Variants in PDK1 observed in about 807,000 individuals in gnomAD.
PDK1 encodes the protein [Pyruvate dehydrogenase (acetyl-transferring)] kinase isozyme 1, mitochondrial.
A neutral mutation model predicts 54.2 loss-of-function variants in PDK1; 39 were observed. The observed-to-expected ratio is 0.72, with a 90% CI of 0.56 to 0.94. The LOEUF is 0.94. PDK1 is among the 40% of genes least tolerant of loss of function. The probability of loss-of-function intolerance (pLI) is 0.00; values close to 1 mark genes in which losing one functional copy is unlikely to be tolerated. For missense variants in PDK1, 552 were observed against 566.0 expected (o/e 0.98, Z 0.25); for synonymous variants, 221 against 207.1 (o/e 1.07, Z -0.58).
intron 1 of PDK1, 74 bp from the exon 2 acceptor site, chr2:172,558,634 A>T (rs954157011): frequency 7.5e-7 from 1 of 1,341,778 alleles, no homozygotes; most frequent in Middle Eastern, 1.9e-4. Flanking sequence ...CTTCCTCTCT[A>T]TTTCTCTCAG....
At chr2:172,633,076 C>G in the PDK1 span, among the ~76,000 whole-genome samples, 1 of 151,100 alleles carries the variant, frequency 6.6e-6, no homozygotes. Flanking sequence ...AAAATCTCAC[C>G]CTGTTGCCCA....
At chr2:172,622,759 C>CATAT in the PDK1 span, among the ~76,000 whole-genome samples, 1 of 142,474 alleles carries the variant, frequency 7.0e-6, no homozygotes, top group African/African-American at 2.6e-5. Context: ...GTTTATATCT[C>CATAT]ATTATGTGAG....
At chr2:172,701,631 GTTTTTTTTTTTGTTTTGTTTT>G in the PDK1 span, among the ~76,000 whole-genome samples, 3 of 128,582 alleles carry the variant, frequency 2.3e-5, no homozygotes, top group African/African-American at 9.1e-5. Context: ...AGTTTATCCT[GTTTTTTTTTTTGTTTTGTTTT>G]TTTTTTTTTT....
At chr2:172,620,406 T>G in the PDK1 span, among the ~76,000 whole-genome samples, 1 of 152,002 alleles carries the variant, frequency 6.6e-6, no homozygotes, top group Non-Finnish European at 1.5e-5. Flanking sequence ...GAGGGGACGG[T>G]GGAAACGATG....
the PDK1 span, among the ~76,000 whole-genome samples, chr2:172,614,028 A>G: frequency 6.6e-6 from 1 of 152,088 alleles, no homozygotes; most frequent in African/African-American, 2.4e-5. Context: ...CTGCTCCAGG[A>G]AGCAGGCAGG....
chr2:172,615,500 G>A, the PDK1 span, among the ~76,000 whole-genome samples: 1 of 152,102 alleles, frequency 6.6e-6, no homozygotes, highest in Admixed American at 6.6e-5. Context: ...GTGCGTGCCT[G>A]TAATTCCAGC....
chr2:172,702,464 G>A, the PDK1 span, among the ~76,000 whole-genome samples: 2 of 147,478 alleles, frequency 1.4e-5, no homozygotes, highest in African/African-American at 5.1e-5. Context: ...GCAACAGAGT[G>A]AGACTTTGTT....
At chr2:172,613,062 G>A (rs2149333594), downstream of PDK1, among the ~76,000 whole-genome samples, 1 of 152,352 alleles carries the variant, frequency 6.6e-6, no homozygotes, top group South Asian at 2.1e-4. Flanking sequence ...TTATTGGAGG[G>A]TAACGAAACA....
At chr2:172,634,375 C>T in the PDK1 span, among the ~76,000 whole-genome samples, 2 of 150,518 alleles carry the variant, frequency 1.3e-5, no homozygotes, top group African/African-American at 4.9e-5. Flanking sequence ...CGGGTTCAAG[C>T]GATTCCCCTG....
chr2:172,674,034 T>C, the PDK1 span, among the ~76,000 whole-genome samples: 2 of 152,262 alleles, frequency 1.3e-5, no homozygotes, highest in Non-Finnish European at 2.9e-5. Context: ...ACACTCACTA[T>C]ACATGAAATT....
chr2:172,578,090 C>T (rs1689673654), intron 8 of PDK1, among the ~76,000 whole-genome samples: 1 of 152,108 alleles, frequency 6.6e-6, no homozygotes, highest in African/African-American at 2.4e-5. Context: ...GATAGTTTTG[C>T]TGGTTATAGA....
chr2:172,599,821 T>G lies in PDK1; in HGVS notation c.*3852T>G, dbSNP rs1207029362. 4 of 152,342 alleles carry G rather than the reference T, an allele frequency of 2.6e-5. No homozygotes were observed. Among genetic ancestry groups the G allele is most frequent in the African/African-American group, 9.6e-5 (4 of 41,584 alleles). The allele number at this position is 152,342 out of a possible 1,614,324, so 9.4% of individuals were successfully genotyped here. ...AATAGCAAAAGACAAGATTGTCAGT[T>G]TTTGGTGCAAAACTCTACTCTTTTT... On this transcript the variant is annotated 3_prime_UTR_variant, in exon 11 of 11. Coordinates refer to ENST00000282077, the MANE Select transcript of PDK1 (RefSeq NM_002610.5).
At chr2:172,682,505 G>C in the PDK1 span, among the ~76,000 whole-genome samples, 1 of 152,230 alleles carries the variant, frequency 6.6e-6, no homozygotes, top group Non-Finnish European at 1.5e-5. Context: ...CCACAGTGGA[G>C]AGTTGTCAGT....
chr2:172,580,225 T>A (rs17299956), intron 8 of PDK1, among the ~76,000 whole-genome samples: 1 of 141,924 alleles, frequency 7.0e-6, no homozygotes, highest in Non-Finnish European at 1.5e-5. Context: ...GTAAAAACAA[T>A]ATGAATGTAT....
chr2:172,622,699 ATC>A, the PDK1 span, among the ~76,000 whole-genome samples: 3 of 121,526 alleles, frequency 2.5e-5, no homozygotes, highest in Non-Finnish European at 3.9e-5. Context: ...ATATGTTTAT[ATC>A]TCATATATTA....
intron 5 of PDK1, among the ~76,000 whole-genome samples, chr2:172,566,426 A>C (rs767675636): frequency 1.3e-5 from 2 of 152,102 alleles, no homozygotes; most frequent in African/African-American, 4.8e-5. Context: ...GTGGTGACCC[A>C]TGCCTACGTA....
chr2:172,675,143 T>C, the PDK1 span, among the ~76,000 whole-genome samples: 1 of 152,210 alleles, frequency 6.6e-6, no homozygotes, highest in Non-Finnish European at 1.5e-5. Flanking sequence ...CACTGGCTGC[T>C]TCTTGTCTTC....
At chr2:172,594,107 G>T (rs1311291005) in intron 10 of PDK1, among the ~76,000 whole-genome samples, 1 of 148,490 alleles carries the variant, frequency 6.7e-6, no homozygotes, top group Admixed American at 6.8e-5. Context: ...GCATGATCTC[G>T]GCTCACTGCA....
At chr2:172,624,683 G>A in the PDK1 span, among the ~76,000 whole-genome samples, 1 of 152,152 alleles carries the variant, frequency 6.6e-6, no homozygotes, top group Admixed American at 6.6e-5. Context: ...CAATGGAGAG[G>A]AAGGCAGAGC....
Sources: allele counts gnomAD v4.1 joint callset (sites outside exome capture counted in the v4.1 genomes callset), GRCh38; gene constraint gnomAD v4.1.1; transcripts MANE v1.5; gene names NCBI Gene and HGNC (gene_info 2026-07-23, HGNC 2026-07-21).